The following DLG1 variants were observed in gnomAD, a reference collection of about 807,000 sequenced individuals.
The protein encoded by DLG1 is disks large homolog 1.
In DLG1, 42 loss-of-function variants were observed where a neutral mutation model predicts 123.4. The ratio of observed to expected loss-of-function variants is 0.34; its 90% CI spans 0.27 to 0.44. The LOEUF (loss-of-function observed/expected upper bound fraction) is 0.44. Among genes scored for constraint, DLG1 ranks in the 20% least tolerant of loss-of-function variants. The pLI, the probability that DLG1 is intolerant of heterozygous loss-of-function variation, is 1.00. For synonymous variants in DLG1, 317 were observed against 356.2 expected (o/e 0.89, Z 1.24); for missense variants, 942 against 1,082.6 (o/e 0.87, Z 1.82).
At chr3:197,160,890 C>T (rs1357320898) in intron 5 of DLG1, among the ~76,000 whole-genome samples, 3 of 152,040 alleles carry the variant, frequency 2.0e-5, no homozygotes, top group South Asian at 2.1e-4. Context: ...TAAATGAGAT[C>T]GTGATCTTTC....
chr3:197,088,482 C>T (rs1256874007), intron 15 of DLG1, among the ~76,000 whole-genome samples: 3 of 152,140 alleles, frequency 2.0e-5, no homozygotes, highest in Non-Finnish European at 1.5e-5. Flanking sequence ...AAGGGTGCCT[C>T]CCACACACCT....
At chr3:197,252,824 T>C (rs1423385044) in intron 4 of DLG1, among the ~76,000 whole-genome samples, 2 of 152,208 alleles carry the variant, frequency 1.3e-5, no homozygotes, top group Non-Finnish European at 2.9e-5. Flanking sequence ...TTAATACCAT[T>C]TTACTATACA....
In DLG1 at chr3:197,055,416, A is replaced by AT. The variant is rs532001585; in HGVS notation, c.2484-3749dup. On this transcript the variant is annotated intron_variant, in intron 23 of 24. Coordinates refer to ENST00000667157, the MANE Select transcript of DLG1 (RefSeq NM_001366207.1). ...TTCCTGTTTCTTCGTATGTCTTGTG[A>AT]TTTTTTTGTGGGAAACTACACATTT... is the stretch of plus-strand genomic sequence containing the variant. Among the ~76,000 whole-genome samples, 15 of 151,984 alleles carry AT rather than the reference A, an allele frequency of 9.9e-5. No individual in the cohort carries two copies. In the East Asian group the frequency reaches 1.9e-3, roughly 20 times the overall value.
intron 23 of DLG1, among the ~76,000 whole-genome samples, chr3:197,055,583 T>C (rs569319459): frequency 5.9e-5 from 9 of 152,114 alleles, no homozygotes; most frequent in Non-Finnish European, 1.2e-4. Flanking sequence ...AAACTTAGGG[T>C]CTTTTCAGGT....
intron 4 of DLG1, among the ~76,000 whole-genome samples, chr3:197,229,447 T>C (rs990346000): frequency 7.8e-6 from 1 of 127,848 alleles, no homozygotes; most frequent in South Asian, 3.1e-4. Flanking sequence ...AGTGACAGCC[T>C]GTCTCTTAAA....
chr3:197,127,729 A>G (rs7642350), intron 11 of DLG1, among the ~76,000 whole-genome samples: 114,452 of 151,080 alleles, frequency 0.76, 43,468 homozygotes, highest in East Asian at 0.82. Context: ...AGAATTACAG[A>G]CATACCTCAG....
chr3:197,056,684 A>T (rs548629813), intron 23 of DLG1, among the ~76,000 whole-genome samples: 5 of 152,302 alleles, frequency 3.3e-5, no homozygotes, highest in African/African-American at 1.2e-4. Context: ...TATGTTTCAA[A>T]CACAGATGAG....
chr3:197,061,973 G>A (rs920209138), intron 22 of DLG1, among the ~76,000 whole-genome samples: 1 of 152,058 alleles, frequency 6.6e-6, no homozygotes, highest in Admixed American at 6.5e-5. Context: ...GATGGTTTCT[G>A]CCGGAAACAA....
chr3:197,196,493 G>A (rs1235510300), intron 4 of DLG1, among the ~76,000 whole-genome samples: 2 of 152,132 alleles, frequency 1.3e-5, no homozygotes, highest in African/African-American at 2.4e-5. Flanking sequence ...CACAATCTAA[G>A]TACTCTCAGG....
chr3:197,063,843 TCA>T (rs1737526716), intron 22 of DLG1, among the ~76,000 whole-genome samples: 2 of 152,048 alleles, frequency 1.3e-5, no homozygotes, highest in South Asian at 2.1e-4. Context: ...CTGTTTTCTC[TCA>T]GTCTCACCAA....
At chr3:197,193,162 T>C (rs1259271202) in intron 5 of DLG1, among the ~76,000 whole-genome samples, 1 of 152,078 alleles carries the variant, frequency 6.6e-6, no homozygotes. Flanking sequence ...AACAAAGGAT[T>C]AATATTCAGA....
At chr3:197,143,091 T>C (rs549020586) in intron 6 of DLG1, among the ~76,000 whole-genome samples, 15 of 152,302 alleles carry the variant, frequency 9.8e-5, no homozygotes, top group African/African-American at 3.6e-4. Flanking sequence ...TTTGAACACC[T>C]TAATTTTTTG....
intron 4 of DLG1, among the ~76,000 whole-genome samples, chr3:197,230,103 T>C (rs539409624): frequency 3.7e-4 from 56 of 152,314 alleles, no homozygotes; most frequent in Admixed American, 1.6e-3. Flanking sequence ...TTTAAGGCTA[T>C]CAGGCAAGCT....
intron 4 of DLG1, among the ~76,000 whole-genome samples, chr3:197,232,751 GAA>G (rs765221376): frequency 7.6e-6 from 1 of 132,444 alleles, no homozygotes; most frequent in Admixed American, 7.7e-5. Context: ...CTATCTGGCA[GAA>G]AAAAAAAAAA....
At chr3:197,169,927 A>G (rs151314871) in intron 5 of DLG1, among the ~76,000 whole-genome samples, 7 of 152,124 alleles carry the variant, frequency 4.6e-5, no homozygotes, top group Admixed American at 4.6e-4. Flanking sequence ...TCCACCCCTC[A>G]CACCGGCCCC....
upstream of DLG1, chr3:197,298,909 A>G: frequency 4.0e-6 from 1 of 248,562 alleles, no homozygotes; most frequent in East Asian, 7.4e-5. Context: ...AGTATGGTAT[A>G]CTTAAGGGTG....
chr3:197,147,432 G>GCGCACACACA (rs967982862), intron 6 of DLG1, among the ~76,000 whole-genome samples: 1 of 147,086 alleles, frequency 6.8e-6, no homozygotes, highest in African/African-American at 2.5e-5. Flanking sequence ...TATATGGTGT[G>GCGCACACACA]CACACACACA....
chr3:197,190,871 G>A (rs1312820663), intron 5 of DLG1, among the ~76,000 whole-genome samples: 2 of 152,244 alleles, frequency 1.3e-5, no homozygotes, highest in Non-Finnish European at 2.9e-5. Flanking sequence ...TTAGCCAGGC[G>A]TGGTGGCGGG....
chr3:197,296,668 GA>G (rs1777507006), intron 2 of DLG1, 191 bp from the exon 3 acceptor site: 1 of 491,750 alleles, frequency 2.0e-6, no homozygotes, highest in Non-Finnish European at 3.5e-6. Context: ...AGAAATACAA[GA>G]AAAATTTAAA....
Sources: allele counts gnomAD v4.1 joint callset (sites outside exome capture counted in the v4.1 genomes callset), GRCh38; gene constraint gnomAD v4.1.1; transcripts MANE v1.5; gene names NCBI Gene and HGNC (gene_info 2026-07-23, HGNC 2026-07-21).